Variants in MME observed in about 807,000 individuals in gnomAD.
MME encodes the protein neprilysin.
Under a neutral mutation model 113.2 loss-of-function variants are expected in MME, and 98 were observed. The ratio of observed to expected loss-of-function variants is 0.87; its 90% confidence interval spans 0.74 to 1.02. The LOEUF (loss-of-function observed/expected upper bound fraction) is 1.02. Among genes scored for constraint, MME ranks in the 50% least tolerant of loss-of-function variants. The pLI, the probability that MME is intolerant of heterozygous loss-of-function variation, is 0.00. For missense variants in MME, 836 were observed against 896.0 expected, an observed-to-expected ratio of 0.93 and a Z score of 0.86; for synonymous variants, 292 against 300.6, an observed-to-expected ratio of 0.97 and a Z score of 0.30.
chr3:155,078,292 A>G (rs966450270), upstream of MME, among the ~76,000 whole-genome samples: 16 of 152,314 alleles, frequency 1.1e-4, no homozygotes, highest in African/African-American at 3.4e-4. Flanking sequence ...TGTGGGAGTG[A>G]AAACACCAAT....
At chr3:155,042,476 C>T (rs564605851) in intron 1 of MME, among the ~76,000 whole-genome samples, 43 of 152,230 alleles carry the variant, frequency 2.8e-4, no homozygotes, top group African/African-American at 9.4e-4. Context: ...GATAGGCACA[C>T]GCATGTACAC....
intron 17 of MME, among the ~76,000 whole-genome samples, chr3:155,164,854 G>T (rs1358761223): frequency 6.6e-6 from 1 of 152,178 alleles, no homozygotes; most frequent in African/African-American, 2.4e-5. Context: ...CGTGTCATTT[G>T]AATGTTATGG....
chr3:155,050,733 A>G (rs1353611568), intron 1 of MME, among the ~76,000 whole-genome samples: 2 of 152,098 alleles, frequency 1.3e-5, no homozygotes, highest in Admixed American at 1.3e-4. Flanking sequence ...GGATATTAGA[A>G]CACTGTCAGA....
At chr3:155,179,606 G>C in intron 22 of MME, among the ~76,000 whole-genome samples, 1 of 152,184 alleles carries the variant, frequency 6.6e-6, no homozygotes, top group East Asian at 1.9e-4. Flanking sequence ...GGCCTTAGCA[G>C]GAGGAGAAGG....
chr3:155,166,903 C>T lies in MME; in HGVS notation c.1662C>T (p.Val554=), dbSNP rs200693058. The T allele has an allele frequency of 1.9e-6, 3 of 1,613,478 alleles. No homozygotes were observed. The African/African-American group carries it at 4.0e-5, about 22-fold the overall frequency. The change falls in exon 18 of 23, where the codon GTC becomes GTT. Residue 554 remains valine (V), a splice_region_variant and synonymous_variant. Coordinates refer to ENST00000360490, the MANE Select transcript of MME (RefSeq NM_007289.4). ...AFYSSGRNQI[V]FPAGILQPPF... ...TCTAACTATCTTCTCTCCTTGTAGT[C>T]TTCCCAGCCGGCATTCTGCAGCCCC... is the stretch of plus-strand genomic sequence containing the variant.
At chr3:155,162,932 GA>G (rs1722817856) in intron 17 of MME, among the ~76,000 whole-genome samples, 1 of 147,318 alleles carries the variant, frequency 6.8e-6, no homozygotes, top group Admixed American at 6.9e-5. Flanking sequence ...AGAATCGCTT[GA>G]ACCCAGGAGG....
Position 155,043,725 on chromosome 3 carries a change from T to C in MME, c.-11+19401T>C, listed in dbSNP as rs112323093. ...TCTATTACTGGACCTTTTATTATGT[T>C]TCCTATATATAATTATTTTATAGTA... On this transcript the variant is annotated intron_variant, in intron 1 of 22. Transcript: ENST00000492661. 8.5e-5 allele frequency among the ~76,000 whole-genome samples: 13 copies of C among 152,282 alleles called. 1 individual carries two copies. Among genetic ancestry groups the C allele is most frequent in the African/African-American group, 3.1e-4 (13 of 41,574 alleles).
At chr3:155,106,426 G>A (rs1361121455) in intron 3 of MME, among the ~76,000 whole-genome samples, 1 of 152,200 alleles carries the variant, frequency 6.6e-6, no homozygotes, top group Non-Finnish European at 1.5e-5. Flanking sequence ...TAAAAATGGA[G>A]AGTGGATTGT....
At chr3:155,153,292 G>A (rs952836273) in intron 16 of MME, among the ~76,000 whole-genome samples, 15 of 152,042 alleles carry the variant, frequency 9.9e-5, no homozygotes, top group African/African-American at 2.7e-4. Context: ...CTTCTAAAGC[G>A]ATTTAAATTT....
At chr3:155,062,031 T>G (rs1326169235) in intron 1 of MME, among the ~76,000 whole-genome samples, 3 of 152,202 alleles carry the variant, frequency 2.0e-5, no homozygotes, top group Non-Finnish European at 2.9e-5. Flanking sequence ...AACAGCAGTT[T>G]TATTTTCTCC....
chr3:155,035,479 G>A (rs751328390), intron 1 of MME, among the ~76,000 whole-genome samples: 6 of 152,060 alleles, frequency 3.9e-5, no homozygotes, highest in Admixed American at 1.3e-4. Context: ...TATTCTGGGA[G>A]TTATAATGGC....
rs549584441 is a variant in MME, at chr3:155,084,882, C to G, written c.161-177C>G. ...ATCAAAATTTTAAATTTAGATTTTA[C>G]TTATTTTATTTTCTTATATTTTTTC... On this transcript the variant is annotated intron_variant, in intron 2 of 22. Coordinates refer to ENST00000360490, the MANE Select transcript of MME (RefSeq NM_007289.4). Among the ~76,000 whole-genome samples, 3 of 152,128 alleles carry G rather than the reference C, an allele frequency of 2.0e-5. No individual in the cohort carries two copies. The East Asian group carries it at 5.8e-4, about 29-fold the overall frequency.
chr3:155,160,498 C>T (rs377187304), intron 17 of MME, 50 bp downstream of exon 17: 2 of 1,244,118 alleles, frequency 1.6e-6, no homozygotes, highest in African/African-American at 1.5e-5. Flanking sequence ...TCGTTCCCAA[C>T]CTGTAGTGCA....
chr3:155,041,434 A>G (rs1713317450), intron 1 of MME, among the ~76,000 whole-genome samples: 1 of 152,214 alleles, frequency 6.6e-6, no homozygotes, highest in Admixed American at 6.5e-5. Flanking sequence ...ACCGTAATAA[A>G]CTAAAATTAA....
chr3:155,118,716 T>C, intron 7 of MME, 30 bp from the exon 8 acceptor site: 1 of 1,397,722 alleles, frequency 7.2e-7, no homozygotes, highest in Non-Finnish European at 1.0e-6. Context: ...CACTGAATGA[T>C]TTATTTTCTT....
intron 1 of MME, among the ~76,000 whole-genome samples, chr3:155,072,930 T>C (rs573899356): frequency 1.3e-5 from 2 of 152,354 alleles, no homozygotes; most frequent in South Asian, 4.1e-4. Flanking sequence ...TAAAATGTAA[T>C]GTTTAGAGTT....
At chr3:155,059,047 A>G (rs1440086293) in intron 1 of MME, among the ~76,000 whole-genome samples, 1 of 152,062 alleles carries the variant, frequency 6.6e-6, no homozygotes, top group Non-Finnish European at 1.5e-5. Context: ...AGAGGTCAGG[A>G]GTTTGAGACC....
chr3:155,119,154 G>A (rs533565894), intron 8 of MME, among the ~76,000 whole-genome samples: 1 of 152,300 alleles, frequency 6.6e-6, no homozygotes, highest in East Asian at 1.9e-4. Context: ...TCATGGTCTA[G>A]GGTGGTGCTG....
At chr3:155,074,354 A>C (rs1244981771) in intron 1 of MME, among the ~76,000 whole-genome samples, 4 of 152,054 alleles carry the variant, frequency 2.6e-5, no homozygotes, top group Admixed American at 1.3e-4. Context: ...TTTTTATTGC[A>C]TTCAGTTATA....
Sources: allele counts gnomAD v4.1 joint callset (sites outside exome capture counted in the v4.1 genomes callset), GRCh38; gene constraint gnomAD v4.1.1; transcripts MANE v1.5; gene names NCBI Gene and HGNC (gene_info 2026-07-23, HGNC 2026-07-21).